Variants in DCX observed in about 807,000 individuals in gnomAD.
The protein encoded by DCX is doublecortin.
Under a neutral mutation model 20.9 loss-of-function variants are expected in DCX, and 4 were observed. That is an observed-to-expected ratio of 0.19 (90% CI 0.09 to 0.44). DCX has a LOEUF of 0.44. Ranked by LOEUF, DCX falls within the 20% of genes least tolerant of loss-of-function variation. The pLI is 0.99. For missense variants in DCX, 133 were observed against 296.9 expected (o/e 0.45, Z 4.06); for synonymous variants, 103 against 111.4 (o/e 0.92, Z 0.47).
Position 111,312,681 on chromosome X carries a change from G to C in DCX, c.1002C>G (p.Ile334Met). The stretch of plus-strand genomic sequence containing the variant: ...GGCTGCCAGGACTGGTGGGCGTAGA[G>C]ATGGGAGACTGCTTAGACTTGGGGG... Reference protein sequence around the residue: ...LSTPKSKQSPISTPTSPGSLR... With the variant: ...LSTPKSKQSPMSTPTSPGSLR... Residue 334 changes from isoleucine to methionine, a missense_variant, in exon 6 of 7, where the codon ATC (isoleucine) becomes ATG (methionine). Physicochemically the swap from Ile to Met is conservative, Grantham distance 10 (BLOSUM62 1). Transcript: ENST00000636035. 8.3e-7 allele frequency: 1 copy of C among 1,212,034 alleles called. No homozygotes were observed. The highest frequency in any genetic ancestry group is 1.8e-5 in the South Asian group (1 of 56,986).
At chrX:111,378,435 C>T (rs1489800693) in intron 3 of DCX, among the ~76,000 whole-genome samples, 3 of 111,408 alleles carry the variant, frequency 2.7e-5, no homozygotes, top group Middle Eastern at 4.6e-3. Context: ...AACAAGCTAC[C>T]CACATGAATT....
intron 3 of DCX, among the ~76,000 whole-genome samples, chrX:111,354,247 A>G (rs1328779560): frequency 8.9e-6 from 1 of 111,942 alleles, no homozygotes; most frequent in African/African-American, 3.2e-5. Flanking sequence ...ACATTCTCAT[A>G]TCCCTTAAAA....
intron 5 of DCX, among the ~76,000 whole-genome samples, chrX:111,319,640 T>C (rs760126420): frequency 2.5e-4 from 28 of 112,302 alleles, no homozygotes; most frequent in African/African-American, 8.4e-4. Flanking sequence ...AAACAGTTAA[T>C]GGACCACCTA....
At chrX:111,392,171 G>GA (rs970982644) in intron 3 of DCX, among the ~76,000 whole-genome samples, 14 of 110,986 alleles carry the variant, frequency 1.3e-4, no homozygotes, top group Non-Finnish European at 2.1e-4. Context: ...TATCTACATA[G>GA]AAAAAAAAGA....
chrX:111,319,354 A>G (rs567853117), intron 5 of DCX, among the ~76,000 whole-genome samples: 1 of 111,087 alleles, frequency 9.0e-6, no homozygotes, highest in South Asian at 3.9e-4. Context: ...GGAGGGAGAG[A>G]ATGAACACCA....
chrX:111,410,791 A>T, intron 1 of DCX: 1 of 1,211,064 alleles, frequency 8.3e-7, no homozygotes, highest in Non-Finnish European at 1.1e-6. Flanking sequence ...TTCGGGCTAA[A>T]TACATTAAAA....
intron 2 of DCX, among the ~76,000 whole-genome samples, chrX:111,407,802 G>GCACACACACACACACA (rs34206475): frequency 2.2e-5 from 2 of 90,286 alleles, no homozygotes; most frequent in African/African-American, 4.0e-5. Flanking sequence ...ACATCAATAC[G>GCACACACACACACACA]CACACACACA....
chrX:111,389,667 A>G (rs1926786162), intron 3 of DCX, among the ~76,000 whole-genome samples: 1 of 111,728 alleles, frequency 9.0e-6, no homozygotes, highest in Non-Finnish European at 1.9e-5. Flanking sequence ...GCAGTGAGAA[A>G]GGATCATGCC....
chrX:111,408,689 A>AG (rs1350133210), intron 2 of DCX, among the ~76,000 whole-genome samples: 45 of 110,110 alleles, frequency 4.1e-4, no homozygotes, highest in African/African-American at 1.4e-3. Context: ...AAAGAAAGAA[A>AG]GAAAGGAAGG....
intron 6 of DCX, among the ~76,000 whole-genome samples, chrX:111,312,406 C>G (rs866093032): frequency 8.1e-5 from 9 of 111,722 alleles, no homozygotes; most frequent in Middle Eastern, 4.2e-3. Flanking sequence ...TTTGGAAACC[C>G]TTTGGAAGAA....
intron 3 of DCX, among the ~76,000 whole-genome samples, chrX:111,355,712 G>C (rs763242949): frequency 1.3e-4 from 14 of 111,426 alleles, no homozygotes; most frequent in Non-Finnish European, 2.3e-4. Context: ...GCCAAGAGAA[G>C]GGGAAAGGAA....
intron 6 of DCX, among the ~76,000 whole-genome samples, chrX:111,305,460 A>G (rs929944788): frequency 9.0e-6 from 1 of 111,139 alleles, no homozygotes; most frequent in Non-Finnish European, 1.9e-5. Context: ...CCCTAATACA[A>G]TTTTATTACC....
At chrX:111,317,008 T>G (rs1338017659) in intron 5 of DCX, among the ~76,000 whole-genome samples, 3 of 112,093 alleles carry the variant, frequency 2.7e-5, no homozygotes, top group Non-Finnish European at 3.8e-5. Context: ...CCCAAAACAA[T>G]GTACAGATTA....
chrX:111,393,138 A>T (rs1276770863), intron 3 of DCX, among the ~76,000 whole-genome samples: 1 of 111,711 alleles, frequency 9.0e-6, no homozygotes, highest in African/African-American at 3.2e-5. Context: ...ACATTAGTTC[A>T]CACCCACAGT....
At chrX:111,310,861 C>T (rs756897262) in intron 6 of DCX, among the ~76,000 whole-genome samples, 3 of 112,141 alleles carry the variant, frequency 2.7e-5, no homozygotes, top group Admixed American at 9.4e-5. Context: ...TTTAACAATG[C>T]AAACAACTCA....
chrX:111,362,145 A>G (rs1261636017), intron 3 of DCX, among the ~76,000 whole-genome samples: 1 of 111,627 alleles, frequency 9.0e-6, no homozygotes, highest in Non-Finnish European at 1.9e-5. Flanking sequence ...GTGAAAAAAG[A>G]GCAAGGTTTG....
intron 5 of DCX, among the ~76,000 whole-genome samples, chrX:111,320,883 T>C (rs2095085044): frequency 9.1e-6 from 1 of 109,907 alleles, no homozygotes; most frequent in South Asian, 3.9e-4. Context: ...ATGTTCCAGC[T>C]AGGGGTAGCA....
At chrX:111,303,987 A>T (rs2095039672) in intron 6 of DCX, among the ~76,000 whole-genome samples, 1 of 112,185 alleles carries the variant, frequency 8.9e-6, no homozygotes, top group Non-Finnish European at 1.9e-5. Context: ...TGGGTCATCC[A>T]TGCAAATATA....
intron 5 of DCX, among the ~76,000 whole-genome samples, chrX:111,316,927 A>G (rs186603509): frequency 8.9e-6 from 1 of 112,465 alleles, no homozygotes; most frequent in African/African-American, 3.2e-5. Context: ...ATCAGAGAAG[A>G]CATAAACAAA....
Sources: gnomAD v4.1 joint callset for allele counts (sites outside exome capture counted in the v4.1 genomes callset) on GRCh38, gnomAD v4.1.1 for gene constraint, MANE v1.5 for transcripts, NCBI Gene and HGNC (gene_info 2026-07-23, HGNC 2026-07-21) for gene names.